The following FBXL7 variants were observed in gnomAD, a reference collection of about 807,000 sequenced individuals.
FBXL7 encodes the protein F-box and leucine rich repeat protein 7.
A neutral mutation model predicts 38.3 loss-of-function variants in FBXL7; 12 were observed. The ratio of observed to expected loss-of-function variants is 0.31; its 90% CI spans 0.20 to 0.51. The LOEUF is 0.51. Ranked by LOEUF, FBXL7 falls within the 20% of genes least tolerant of loss-of-function variation. The probability of loss-of-function intolerance (pLI) is 0.98; values close to 1 mark genes in which losing one functional copy is unlikely to be tolerated. For synonymous variants in FBXL7, 297 were observed against 300.9 expected, an observed-to-expected ratio of 0.99 and a Z score of 0.13; for missense variants, 567 against 676.4, an observed-to-expected ratio of 0.84 and a Z score of 1.79.
In FBXL7 at chr5:15,723,140, A is replaced by T. The variant is rs536550340; in HGVS notation, c.127+107068A>T. Among the ~76,000 whole-genome samples, 12 of 152,260 alleles carry T rather than the reference A, an allele frequency of 7.9e-5. No homozygotes were observed. The South Asian group carries it at 1.2e-3, about 16-fold the overall frequency. On this transcript the variant is annotated intron_variant, in intron 2 of 3. Coordinates refer to ENST00000504595, the MANE Select transcript of FBXL7 (RefSeq NM_012304.5). ...TTTACTGATTTTTGCTGAGTCTTGT[A>T]TGAGTAGCCAAGCTGTGGAATTATG...
At chr5:15,647,266 T>C (rs766414365) in intron 2 of FBXL7, among the ~76,000 whole-genome samples, 3 of 152,254 alleles carry the variant, frequency 2.0e-5, no homozygotes, top group Admixed American at 1.3e-4. Flanking sequence ...CTAATAGTTA[T>C]TCACATTTCT....
At chr5:15,901,297 T>C (rs1741227177) in intron 2 of FBXL7, among the ~76,000 whole-genome samples, 1 of 152,190 alleles carries the variant, frequency 6.6e-6, no homozygotes, top group East Asian at 1.9e-4. Flanking sequence ...ATGACTGTCT[T>C]CTGACTGTGT....
intron 2 of FBXL7, among the ~76,000 whole-genome samples, chr5:15,915,092 C>T (rs1221790446): frequency 1.3e-5 from 2 of 152,192 alleles, no homozygotes; most frequent in South Asian, 2.1e-4. Context: ...GCTGGGAGAA[C>T]ATGAGCATGT....
chr5:15,868,351 A>G (rs1579543064), intron 2 of FBXL7, among the ~76,000 whole-genome samples: 1 of 152,250 alleles, frequency 6.6e-6, no homozygotes, highest in Non-Finnish European at 1.5e-5. Context: ...GGTGAGATCC[A>G]TGCCAGAATT....
rs1158238939 is a variant in FBXL7 at position 15,872,966 on chromosome 5, A to T, written c.128-54924A>T. 3.9e-5 allele frequency among the ~76,000 whole-genome samples: 6 copies of T among 152,322 alleles called. No individual in the cohort carries two copies. In the East Asian group the frequency reaches 1.2e-3, roughly 29 times the overall value. On this transcript the variant is annotated intron_variant, in intron 2 of 3. Transcript: ENST00000504595. ...TCTAGAGAACTCTCCACCCCAAATC[A>T]ACAGAATATACATTCTTCTCAGCAC...
At chr5:15,641,237 C>T (rs532140986) in intron 2 of FBXL7, among the ~76,000 whole-genome samples, 4 of 152,324 alleles carry the variant, frequency 2.6e-5, no homozygotes, top group Admixed American at 2.6e-4. Context: ...TAAACCTTTC[C>T]ATGAGACTGA....
intron 1 of FBXL7, among the ~76,000 whole-genome samples, chr5:15,520,903 C>G (rs1313406248): frequency 6.6e-6 from 1 of 152,162 alleles, no homozygotes; most frequent in Non-Finnish European, 1.5e-5. Flanking sequence ...TCAGAGAAAC[C>G]TAAGTTTTAA....
chr5:15,660,134 G>C (rs369365930), intron 2 of FBXL7, among the ~76,000 whole-genome samples: 1 of 152,070 alleles, frequency 6.6e-6, no homozygotes, highest in Admixed American at 6.6e-5. Context: ...CATCAGCAAC[G>C]GTGTCCCCTT....
chr5:15,575,757 A>AGT (rs758664699), intron 1 of FBXL7, among the ~76,000 whole-genome samples: 2 of 152,214 alleles, frequency 1.3e-5, no homozygotes, highest in African/African-American at 4.8e-5. Flanking sequence ...AAATGTATTA[A>AGT]GTGTGTGTTT....
chr5:15,565,840 C>T (rs556022350), intron 1 of FBXL7, among the ~76,000 whole-genome samples: 7 of 152,172 alleles, frequency 4.6e-5, no homozygotes, highest in South Asian at 2.1e-4. Flanking sequence ...TCTATTCCGG[C>T]CTTCAACTAA....
intron 2 of FBXL7, among the ~76,000 whole-genome samples, chr5:15,620,283 A>G (rs1740587090): frequency 7.0e-6 from 1 of 141,942 alleles, no homozygotes; most frequent in East Asian, 2.1e-4. Flanking sequence ...CCCAATCTGG[A>G]GTGCAGTGGC....
At chr5:15,529,446 C>T (rs1465527708) in intron 1 of FBXL7, among the ~76,000 whole-genome samples, 11 of 151,630 alleles carry the variant, frequency 7.3e-5, no homozygotes, top group South Asian at 4.2e-4. Context: ...AGTGCAGTGG[C>T]GCGATCTCGG....
chr5:15,872,624 G>A (rs960721804), intron 2 of FBXL7, among the ~76,000 whole-genome samples: 2 of 151,856 alleles, frequency 1.3e-5, no homozygotes, highest in Admixed American at 1.3e-4. Flanking sequence ...AAAAAACAGG[G>A]GTTGCAATCC....
At chr5:15,679,656 T>G (rs546611619) in intron 2 of FBXL7, among the ~76,000 whole-genome samples, 1 of 152,174 alleles carries the variant, frequency 6.6e-6, no homozygotes, top group East Asian at 1.9e-4. Flanking sequence ...ATTACATTTT[T>G]CCTTAAAAAG....
intron 1 of FBXL7, among the ~76,000 whole-genome samples, chr5:15,564,273 A>G (rs2126441325): frequency 6.6e-6 from 1 of 152,010 alleles, no homozygotes; most frequent in East Asian, 1.9e-4. Flanking sequence ...AGGTTTTATG[A>G]TTTTTGCCAT....
At chr5:15,809,968 A>T (rs879652047) in intron 2 of FBXL7, among the ~76,000 whole-genome samples, 2 of 152,180 alleles carry the variant, frequency 1.3e-5, no homozygotes, top group Non-Finnish European at 2.9e-5. Context: ...GTGAATCTGG[A>T]TTCCTAGAAT....
intron 2 of FBXL7, among the ~76,000 whole-genome samples, chr5:15,844,698 G>C (rs763712905): frequency 4.2e-4 from 64 of 152,268 alleles, no homozygotes; most frequent in Non-Finnish European, 8.4e-4. Flanking sequence ...GGGAGTGTGA[G>C]AGAAAACCCA....
At chr5:15,649,582 A>G (rs1168050335) in intron 2 of FBXL7, among the ~76,000 whole-genome samples, 1 of 152,194 alleles carries the variant, frequency 6.6e-6, no homozygotes, top group Non-Finnish European at 1.5e-5. Flanking sequence ...CAGTCATCCC[A>G]TTTGTGTATT....
chr5:15,591,060 A>G (rs1275487286), intron 1 of FBXL7, among the ~76,000 whole-genome samples: 2 of 152,170 alleles, frequency 1.3e-5, no homozygotes, highest in Non-Finnish European at 2.9e-5. Flanking sequence ...TCAGGTCTGC[A>G]TCTCCTCAGA....
Sources: gnomAD v4.1 joint callset for allele counts (sites outside exome capture counted in the v4.1 genomes callset) on GRCh38, gnomAD v4.1.1 for gene constraint, MANE v1.5 for transcripts, NCBI Gene and HGNC (gene_info 2026-07-23, HGNC 2026-07-21) for gene names.